Variants in ZDHHC8 observed in about 807,000 individuals in gnomAD.
ZDHHC8 encodes palmitoyltransferase ZDHHC8.
ZDHHC8 carries 24 observed loss-of-function variants against 61.2 expected under a neutral mutation model. The observed-to-expected ratio is 0.39, with a 90% confidence interval of 0.28 to 0.55. The LOEUF is 0.55. Ranked by LOEUF, ZDHHC8 falls within the 20% of genes least tolerant of loss-of-function variation. The probability of loss-of-function intolerance (pLI) is 0.60; values close to 1 mark genes in which losing one functional copy is unlikely to be tolerated. For synonymous variants in ZDHHC8, 523 were observed against 492.5 expected, an observed-to-expected ratio of 1.06 and a Z score of -0.82; for missense variants, 935 against 1,102.1, an observed-to-expected ratio of 0.85 and a Z score of 2.15.
rs763672497 is a variant in ZDHHC8 at position 20,146,749 on chromosome 22, T to A, written c.*1349T>A. 7.0e-4 allele frequency: 847 copies of A among 1,204,768 alleles called. 3 individuals carry two copies. Among genetic ancestry groups the A allele is most frequent in the Non-Finnish European group, 5.6e-4 (546 of 970,904 alleles). The allele number at this position is 1,204,768 out of a possible 1,614,324, so 74.6% of individuals were successfully genotyped here. On this transcript the variant is annotated 3_prime_UTR_variant, in exon 11 of 11. Coordinates refer to ENST00000334554, the MANE Select transcript of ZDHHC8 (RefSeq NM_013373.4). ...GGGTCTGCCGCTACCCACAGGGGAC[T>A]CTCAGGAACCCGAGAGCTTGGGGAG...
At chr22:20,137,929 C>G (rs1157563557) in intron 1 of ZDHHC8, among the ~76,000 whole-genome samples, 1 of 152,268 alleles carries the variant, frequency 6.6e-6, no homozygotes, top group Non-Finnish European at 1.5e-5. Flanking sequence ...TGTCTACCTC[C>G]ACGGGCTGGG....
rs1045622450 is a variant in ZDHHC8, at chr22:20,146,709, T to C, written c.*1309T>C. On this transcript the variant is annotated 3_prime_UTR_variant, in exon 11 of 11. Transcript: ENST00000334554. ...GTCAGTTCTGGCAGTGACAGGGTGT[T>C]TGGGGGAAAGACTTGGGTCTGCCGC... 8.9e-7 allele frequency: 1 copy of C among 1,128,654 alleles called. No homozygotes were observed. Among genetic ancestry groups the C allele is most frequent in the Non-Finnish European group, 1.1e-6 (1 of 922,320 alleles). 69.9% of individuals were successfully genotyped at this position (1,128,654 alleles called of 1,614,324 possible).
intron 2 of ZDHHC8, 65 bp downstream of exon 2, chr22:20,139,380 A>G: frequency 6.2e-7 from 1 of 1,600,888 alleles, no homozygotes; most frequent in Non-Finnish European, 8.5e-7. Flanking sequence ...AACTTGAGAC[A>G]GCCTTAGGGA....
Position 20,143,717 on chromosome 22 carries a change from C to T in ZDHHC8, c.2087C>T (p.Thr696Met), listed in dbSNP as rs370478368. ...CCCAAAGCTGTCGCCTTCATCCACA[C>T]GGACCTCCCAGAGCCACCGCCCTCG... is the stretch of plus-strand genomic sequence containing the variant. Reference protein sequence around the residue: ...AGPKAVAFIHTDLPEPPPSLT... With the variant: ...AGPKAVAFIHMDLPEPPPSLT... The change falls in exon 10 of 11, where the codon ACG becomes ATG. Residue 696 changes from threonine (T) to methionine (M), a missense_variant. Transcript: ENST00000334554. 64 of 1,610,078 alleles carry T rather than the reference C, an allele frequency of 4.0e-5. No individual in the cohort carries two copies. The highest frequency in any genetic ancestry group is 1.1e-4 in the African/African-American group (8 of 74,890).
chr22:20,133,114 G>C (rs1421647875), intron 1 of ZDHHC8, among the ~76,000 whole-genome samples: 2 of 152,256 alleles, frequency 1.3e-5, no homozygotes, highest in South Asian at 4.1e-4. Flanking sequence ...GTGGAGGCGA[G>C]AGAGTTACCT....
chr22:20,138,427 C>T (rs1401381602), intron 1 of ZDHHC8, among the ~76,000 whole-genome samples: 2 of 152,196 alleles, frequency 1.3e-5, no homozygotes, highest in Non-Finnish European at 2.9e-5. Flanking sequence ...AGAGGGGACT[C>T]GGGCCAGGCC....
chr22:20,139,459 C>T lies in ZDHHC8; in HGVS notation c.227-19C>T, dbSNP rs779365163. The T allele has an allele frequency of 1.6e-5, 26 of 1,611,524 alleles. No homozygotes were observed. The highest frequency in any genetic ancestry group is 2.2e-5 in the Non-Finnish European group (26 of 1,178,284). ...AGGAAAGTCAACTTCCTGCTCACTGCCTGGCTCCTGGTCTGTAGCGGATGA... is the reference window on the plus strand; with the variant it reads ...AGGAAAGTCAACTTCCTGCTCACTGTCTGGCTCCTGGTCTGTAGCGGATGA... On this transcript the variant is annotated intron_variant, in intron 2 of 10. Transcript: ENST00000334554.
Position 20,139,470 on chromosome 22 carries a change from G to C in ZDHHC8, c.227-8G>C. The stretch of plus-strand genomic sequence containing the variant: ...CTTCCTGCTCACTGCCTGGCTCCTG[G>C]TCTGTAGCGGATGAGGATGAGGACA... On this transcript the variant is annotated splice_region_variant and splice_polypyrimidine_tract_variant and intron_variant, in intron 2 of 10. Coordinates refer to ENST00000334554, the MANE Select transcript of ZDHHC8 (RefSeq NM_013373.4). 2 of 1,613,406 alleles carry C rather than the reference G, an allele frequency of 1.2e-6. No individual in the cohort carries two copies. Among genetic ancestry groups the C allele is most frequent in the Non-Finnish European group, 8.5e-7 (1 of 1,179,750 alleles).
In ZDHHC8 at chr22:20,131,882, CGG is replaced by C; in HGVS notation, c.-65_-64del. Reference sequence around the variant, plus strand: ...CGCGTCCAGCCCGCCCGCCCGACCCCGGCCCGACCCCGGCCGGCCCTGCCCGC... The same window carrying C: ...CGCGTCCAGCCCGCCCGCCCGACCCCCCCGACCCCGGCCGGCCCTGCCCGC... On this transcript the variant is annotated 5_prime_UTR_variant, in exon 1 of 11. Coordinates refer to ENST00000334554, the MANE Select transcript of ZDHHC8 (RefSeq NM_013373.4). 342 of 698,760 alleles carry C rather than the reference CGG, an allele frequency of 4.9e-4. No homozygotes were observed. Among genetic ancestry groups the C allele is most frequent in the Middle Eastern group, 1.4e-3 (2 of 1,458 alleles). The allele number at this position is 698,760 out of a possible 1,614,324, so 43.3% of individuals were successfully genotyped here.
chr22:20,138,113 C>A (rs1447994919), intron 1 of ZDHHC8, among the ~76,000 whole-genome samples: 1 of 152,254 alleles, frequency 6.6e-6, no homozygotes, highest in African/African-American at 2.4e-5. Flanking sequence ...GGCGTGGGTG[C>A]AGCAGCGTGG....
In ZDHHC8 at chr22:20,143,208, C is replaced by T. The variant is rs2050488918; in HGVS notation, c.1578C>T (p.Ser526=). ...CACGGCCCCTACCCCGCAGCTTCAG[C>T]CCCGTGCTGGGCCCCCGCCCCCGGG... ...DPPRPLPRSF[S]PVLGPRPREP... Residue 526 remains serine, a synonymous_variant, in exon 10 of 11, where the codon AGC becomes AGT. Coordinates refer to ENST00000334554, the MANE Select transcript of ZDHHC8 (RefSeq NM_013373.4). 2 of 1,608,750 alleles carry T rather than the reference C, an allele frequency of 1.2e-6. No individual in the cohort carries two copies. The highest frequency in any genetic ancestry group is 1.7e-4 in the Middle Eastern group (1 of 6,058).
chr22:20,134,774 A>G (rs982506542), intron 1 of ZDHHC8, among the ~76,000 whole-genome samples: 4 of 152,190 alleles, frequency 2.6e-5, no homozygotes, highest in Admixed American at 1.3e-4. Flanking sequence ...CCAGATCGCC[A>G]AGGGTCTTGG....
At chr22:20,144,741 G>A (rs1455628751) in intron 10 of ZDHHC8, among the ~76,000 whole-genome samples, 1 of 152,236 alleles carries the variant, frequency 6.6e-6, no homozygotes, top group African/African-American at 2.4e-5. Flanking sequence ...ATCGCAGCCC[G>A]GGGACAAAGG....
chr22:20,135,435 G>GGGGCTGCCTGGC (rs1178595043), intron 1 of ZDHHC8, among the ~76,000 whole-genome samples: 7 of 152,224 alleles, frequency 4.6e-5, no homozygotes, highest in Non-Finnish European at 1.0e-4. Context: ...TCCGAGGGCT[G>GGGGCTGCCTGGC]GGGCTGCCTG....
At chr22:20,140,801 G>T (rs886865452) in intron 6 of ZDHHC8, 70 bp from the exon 7 acceptor site, 2 of 1,596,734 alleles carry the variant, frequency 1.3e-6, no homozygotes, top group Non-Finnish European at 1.7e-6. Context: ...CTCTTGCCAG[G>T]TATGGCCAGC....
Position 20,145,271 on chromosome 22 carries a change from G to A in ZDHHC8, c.2169G>A (p.Gly723=). ...QLKTPPSKLN[G]QSPGLARLGP... is the part of the protein sequence containing the mutation. ...AGACTCCCCCAAGTAAGCTTAATGGGCAGTCCCCGGGCCTGGCCCGGCTGG... is the reference window on the plus strand; with the variant it reads ...AGACTCCCCCAAGTAAGCTTAATGGACAGTCCCCGGGCCTGGCCCGGCTGG... The change falls in exon 11 of 11, where the codon GGG becomes GGA. Residue 723 remains glycine, a synonymous_variant. Coordinates refer to ENST00000334554, the MANE Select transcript of ZDHHC8 (RefSeq NM_013373.4). 1.3e-6 allele frequency: 2 copies of A among 1,548,482 alleles called. No individual in the cohort carries two copies. Among genetic ancestry groups the A allele is most frequent in the Non-Finnish European group, 1.7e-6 (2 of 1,150,044 alleles).
At chr22:20,145,105 G>GCCCCGTGCAGTC (rs1368277638) in intron 10 of ZDHHC8, 124 bp from the exon 11 acceptor site, 3 of 907,092 alleles carry the variant, frequency 3.3e-6, no homozygotes, top group Non-Finnish European at 4.7e-6. Context: ...ACTGCACGGG[G>GCCCCGTGCAGTC]CCCCACAACT....
Position 20,147,017 on chromosome 22 carries a change from G to T in ZDHHC8, c.*1617G>T. ...TTCTCTCTCACGGACGCCGCGGCCC[G>T]CAGGGGGCGGATTGGCACCTGCACC... On this transcript the variant is annotated 3_prime_UTR_variant, in exon 11 of 11. Coordinates refer to ENST00000334554, the MANE Select transcript of ZDHHC8 (RefSeq NM_013373.4). 3.6e-6 allele frequency: 5 copies of T among 1,405,216 alleles called. No homozygotes were observed. Among genetic ancestry groups the T allele is most frequent in the Non-Finnish European group, 4.6e-6 (5 of 1,082,110 alleles). The allele number at this position is 1,405,216 out of a possible 1,614,324, so 87.0% of individuals were successfully genotyped here.
rs175172 is a variant in ZDHHC8, at chr22:20,134,605, G to T, written c.104+2554G>T. Among the ~76,000 whole-genome samples the T allele has an allele frequency of 6.5e-4, 99 of 152,364 alleles. 1 individual carries two copies. In the East Asian group the frequency reaches 0.017, roughly 27 times the overall value. ...CGACTTCACTGTTTGCTCCTCGGAC[G>T]TTACCAGACAGTGAGTGGCCCCAGC... On this transcript the variant is annotated intron_variant, in intron 1 of 10. Coordinates refer to ENST00000334554, the MANE Select transcript of ZDHHC8 (RefSeq NM_013373.4).
Sources: allele counts gnomAD v4.1 joint callset (sites outside exome capture counted in the v4.1 genomes callset), GRCh38; gene constraint gnomAD v4.1.1; transcripts MANE v1.5; gene names NCBI Gene and HGNC (gene_info 2026-07-23, HGNC 2026-07-21).